The following LRBA variants were observed in gnomAD, a reference collection of about 807,000 sequenced individuals.
LRBA encodes the protein lipopolysaccharide-responsive and beige-like anchor protein.
In LRBA, 176 loss-of-function variants were observed where a neutral mutation model predicts 330.0. The observed-to-expected ratio is 0.53, with a 90% CI of 0.47 to 0.60. LRBA has a LOEUF of 0.60. Ranked by LOEUF, LRBA falls within the 20% of genes least tolerant of loss-of-function variation. The pLI is 0.00. For missense variants in LRBA, 3,259 were observed against 3,444.8 expected (o/e 0.95, Z 1.35); for synonymous variants, 1,230 against 1,193.0 (o/e 1.03, Z -0.64).
rs373707904 is a variant in LRBA, at chr4:150,413,842, C to T, written c.7194+1596G>A. ...GAAAAAAGTTGTAGTATGAATGTAACTTCTATTCACTTTTGTGTATCCCTG... is the reference window on the plus strand; with the variant it reads ...GAAAAAAGTTGTAGTATGAATGTAATTTCTATTCACTTTTGTGTATCCCTG... On this transcript the variant is annotated intron_variant, in intron 47 of 56. Transcript: ENST00000651943. Among the ~76,000 whole-genome samples the T allele has an allele frequency of 4.6e-5, 7 of 152,220 alleles. No homozygotes were observed. In the East Asian group the frequency reaches 1.3e-3, roughly 29 times the overall value.
intron 36 of LRBA, among the ~76,000 whole-genome samples, chr4:150,702,095 A>G (rs1354315743): frequency 6.6e-6 from 1 of 152,200 alleles, no homozygotes; most frequent in Non-Finnish European, 1.5e-5. Context: ...CATAAATAGC[A>G]GGTTCACATA....
rs909306369 is a variant in LRBA at position 150,781,174 on chromosome 4, C to T, written c.5580+16907G>A. Among the ~76,000 whole-genome samples, 170 of 152,256 alleles carry T rather than the reference C, an allele frequency of 1.1e-3. 1 individual carries two copies. Among genetic ancestry groups the T allele is most frequent in the African/African-American group, 3.8e-3 (158 of 41,554 alleles). ...GATTACAGGCGTGAGCCACCACGCCCGGCCGTGCATTTTATTTTTATTACT... is the reference window on the plus strand; with the variant it reads ...GATTACAGGCGTGAGCCACCACGCCTGGCCGTGCATTTTATTTTTATTACT... On this transcript the variant is annotated intron_variant, in intron 34 of 56. Coordinates refer to ENST00000651943, the MANE Select transcript of LRBA (RefSeq NM_001364905.1).
intron 36 of LRBA, among the ~76,000 whole-genome samples, chr4:150,691,477 A>G (rs865784779): frequency 1.3e-5 from 2 of 152,196 alleles, no homozygotes; most frequent in South Asian, 4.1e-4. Context: ...GAGAAATACA[A>G]ATAAAAATCA....
At chr4:150,418,834 C>CA (rs1412111853) in intron 46 of LRBA, among the ~76,000 whole-genome samples, 2 of 152,026 alleles carry the variant, frequency 1.3e-5, no homozygotes, top group African/African-American at 4.8e-5. Flanking sequence ...TCTAAGCAAA[C>CA]AGAGAGTATA....
intron 40 of LRBA, among the ~76,000 whole-genome samples, chr4:150,491,679 C>T (rs569217892): frequency 6.6e-5 from 10 of 152,180 alleles, no homozygotes; most frequent in African/African-American, 2.2e-4. Flanking sequence ...GTCAGAGTAA[C>T]TTGTTACAAT....
At chr4:150,676,034 C>T (rs1782526837) in intron 37 of LRBA, among the ~76,000 whole-genome samples, 1 of 152,098 alleles carries the variant, frequency 6.6e-6, no homozygotes, top group African/African-American at 2.4e-5. Flanking sequence ...CCTCTTTAAA[C>T]CTCAAGCTCT....
chr4:150,373,424 G>A (rs1260699648), intron 47 of LRBA, among the ~76,000 whole-genome samples: 1 of 151,950 alleles, frequency 6.6e-6, no homozygotes, highest in Non-Finnish European at 1.5e-5. Flanking sequence ...TTTTCAACTA[G>A]GTTTTTAAGA....
chr4:150,594,672 T>TA (rs1773292424), intron 38 of LRBA, among the ~76,000 whole-genome samples: 1 of 152,050 alleles, frequency 6.6e-6, no homozygotes, highest in African/African-American at 2.4e-5. Flanking sequence ...ACTTAATACT[T>TA]AAACTGCAAT....
intron 37 of LRBA, among the ~76,000 whole-genome samples, chr4:150,626,308 C>A (rs1032637969): frequency 1.3e-5 from 2 of 152,142 alleles, no homozygotes; most frequent in African/African-American, 4.8e-5. Flanking sequence ...AAAAGTTAAA[C>A]CTCATAACAT....
At chr4:150,326,708 G>A (rs1733313224) in intron 48 of LRBA, among the ~76,000 whole-genome samples, 1 of 152,156 alleles carries the variant, frequency 6.6e-6, no homozygotes, top group African/African-American at 2.4e-5. Context: ...AGCCATGAAA[G>A]CAGGACCTTA....
At chr4:150,567,068 T>C (rs1018327247) in intron 40 of LRBA, among the ~76,000 whole-genome samples, 8 of 152,120 alleles carry the variant, frequency 5.3e-5, no homozygotes, top group Non-Finnish European at 1.0e-4. Flanking sequence ...AAAATTTAAG[T>C]TTCAAGTATT....
rs113264060 is a variant in LRBA at position 150,537,431 on chromosome 4, C to T, written c.6331-46396G>A. On this transcript the variant is annotated intron_variant, in intron 40 of 56. Coordinates refer to ENST00000651943, the MANE Select transcript of LRBA (RefSeq NM_001364905.1). ...ATTGGCCTTGGCAAAGAACTTACAACCAAGTCCTCAAAAGCAATTGCAACA... is the reference window on the plus strand; with the variant it reads ...ATTGGCCTTGGCAAAGAACTTACAATCAAGTCCTCAAAAGCAATTGCAACA... Among the ~76,000 whole-genome samples, 868 of 152,242 alleles carry T rather than the reference C, an allele frequency of 5.7e-3. 11 individuals are homozygous for T. The highest frequency in any genetic ancestry group is 0.018 in the African/African-American group (754 of 41,546).
intron 22 of LRBA, among the ~76,000 whole-genome samples, chr4:150,861,274 T>TGGGG (rs1451002773): frequency 7.7e-6 from 1 of 130,676 alleles, no homozygotes; most frequent in African/African-American, 4.0e-5. Context: ...GCTAATGGTG[T>TGGGG]GTGTGTGTGT....
intron 40 of LRBA, among the ~76,000 whole-genome samples, chr4:150,511,431 T>C (rs529565265): frequency 8.5e-5 from 13 of 152,194 alleles, no homozygotes; most frequent in Non-Finnish European, 1.5e-4. Context: ...ACCATTTTCA[T>C]AGACATATCT....
Position 150,923,908 on chromosome 4 carries a change from G to C in LRBA, c.550-2615C>G, listed in dbSNP as rs1373717549. On this transcript the variant is annotated intron_variant, in intron 4 of 56. Coordinates refer to ENST00000651943, the MANE Select transcript of LRBA (RefSeq NM_001364905.1). ...TGGCAACCTTTCACCTAAATATTAAGTGGAAGCTTCATTCTTAAGTGAACA... is the reference window on the plus strand; with the variant it reads ...TGGCAACCTTTCACCTAAATATTAACTGGAAGCTTCATTCTTAAGTGAACA... Among the ~76,000 whole-genome samples, 3 of 152,156 alleles carry C rather than the reference G, an allele frequency of 2.0e-5. 1 individual carries two copies. The East Asian group carries it at 5.8e-4, about 29-fold the overall frequency.
At chr4:150,513,047 T>C (rs1356403166) in intron 40 of LRBA, among the ~76,000 whole-genome samples, 1 of 152,186 alleles carries the variant, frequency 6.6e-6, no homozygotes, top group African/African-American at 2.4e-5. Flanking sequence ...ATTCAAATGA[T>C]GTTAAATACG....
At position 150,454,729 on chromosome 4, in the gene LRBA, CCCCTCAGCCTTCT is replaced by C. The variant is rs1188304653; in HGVS notation, c.6780+12931_6780+12943del. On this transcript the variant is annotated intron_variant, in intron 44 of 56. Transcript: ENST00000651943. Reference sequence around the variant, plus strand: ...AGGTGATCTTTCATCCCTCGCCTTCCCCCTCAGCCTTCTCCCTTCTAAGTCTCCAATGTCCGTT... The same window carrying C: ...AGGTGATCTTTCATCCCTCGCCTTCCCCCTTCTAAGTCTCCAATGTCCGTT... Among the ~76,000 whole-genome samples, 10 of 152,058 alleles carry C rather than the reference CCCCTCAGCCTTCT, an allele frequency of 6.6e-5. No homozygotes were observed. In the East Asian group the frequency reaches 7.8e-4, roughly 12 times the overall value.
At chr4:150,694,133 G>A (rs976143781) in intron 36 of LRBA, among the ~76,000 whole-genome samples, 2 of 152,070 alleles carry the variant, frequency 1.3e-5, no homozygotes, top group Non-Finnish European at 2.9e-5. Context: ...GCTTTCTACA[G>A]AGGTAGTCAC....
chr4:150,893,918 A>C lies in LRBA; in HGVS notation c.2068-769T>G, dbSNP rs534649616. The stretch of plus-strand genomic sequence containing the variant: ...TCTCGATCTCCTGACCTCGTGATCC[A>C]CCCGCCTTGGCCTTCCAAAGTGCTG... On this transcript the variant is annotated intron_variant, in intron 16 of 56. Transcript: ENST00000651943. 6.9e-3 allele frequency among the ~76,000 whole-genome samples: 1,049 copies of C among 151,446 alleles called. 7 individuals are homozygous for C. Among genetic ancestry groups the C allele is most frequent in the African/African-American group, 0.025 (1,015 of 41,230 alleles).
Sources: gnomAD v4.1 joint callset for allele counts (sites outside exome capture counted in the v4.1 genomes callset) on GRCh38, gnomAD v4.1.1 for gene constraint, MANE v1.5 for transcripts, NCBI Gene and HGNC (gene_info 2026-07-23, HGNC 2026-07-21) for gene names.